CDKL2: variants seen among roughly 807,000 people sequenced by gnomAD.
CDKL2 encodes the protein cyclin dependent kinase like 2.
CDKL2 carries 64 observed loss-of-function variants against 63.9 expected under a neutral mutation model. The ratio of observed to expected loss-of-function variants is 1.00; its 90% CI spans 0.82 to 1.23. CDKL2 has a LOEUF of 1.23. Ranked by LOEUF, CDKL2 falls within the 50% of genes most tolerant of loss-of-function variation. CDKL2 has a pLI of 0.00. For synonymous variants in CDKL2, 211 were observed against 229.2 expected (o/e 0.92, Z 0.72); for missense variants, 656 against 668.0 (o/e 0.98, Z 0.20).
At position 75,625,931 on chromosome 4, in the gene CDKL2, T is replaced by G; in HGVS notation, c.58A>C (p.Lys20Gln). Residue 20 changes from lysine to glutamine, a missense_variant, in exon 2 of 14, where the codon AAG (lysine) becomes CAG (glutamine). Coordinates refer to ENST00000307465, the MANE Select transcript of CDKL2 (RefSeq NM_001330724.2). ...CTTCCAGTATCTTTATTCCTACACTTCATCACCATTCCATAACTCCCTTCT... is the reference window on the plus strand; with the variant it reads ...CTTCCAGTATCTTTATTCCTACACTGCATCACCATTCCATAACTCCCTTCT... ...VGEGSYGMVMKCRNKDTGRIV... is the reference protein window; with the variant it reads ...VGEGSYGMVMQCRNKDTGRIV... 1 of 1,612,768 alleles carries G rather than the reference T, an allele frequency of 6.2e-7. No individual in the cohort carries two copies. The highest frequency in any genetic ancestry group is 8.5e-7 in the Non-Finnish European group (1 of 1,179,352).
chr4:75,578,005 A>AAC lies in CDKL2; in HGVS notation c.*1196_*1197insGT, dbSNP rs1213020907. ...ATTAATTAGTTAAGGCAAAAAAAAA[A>AAC]AAAAAACTCACAAATTCTGGTTCCC... On this transcript the variant is annotated 3_prime_UTR_variant, in exon 14 of 14. Coordinates refer to ENST00000307465, the MANE Select transcript of CDKL2 (RefSeq NM_001330724.2). 3 of 152,344 alleles carry AAC rather than the reference A, an allele frequency of 2.0e-5. No homozygotes were observed. Among genetic ancestry groups the AAC allele is most frequent in the Non-Finnish European group, 4.4e-5 (3 of 67,966 alleles). The allele number at this position is 152,344 out of a possible 1,614,324, so 9.4% of individuals were successfully genotyped here.
At chr4:75,580,281 G>T (rs1728203983) in intron 13 of CDKL2, among the ~76,000 whole-genome samples, 1 of 151,756 alleles carries the variant, frequency 6.6e-6, no homozygotes, top group African/African-American at 2.4e-5. Context: ...AAATACAGTT[G>T]TGAGAATGTG....
intron 1 of CDKL2, among the ~76,000 whole-genome samples, chr4:75,627,774 C>T (rs1347586750): frequency 5.1e-5 from 6 of 118,768 alleles, no homozygotes; most frequent in Admixed American, 4.8e-4. Context: ...CGTGCACTGG[C>T]GCGATCTCGG....
chr4:75,606,047 T>C (rs1459548983), intron 4 of CDKL2, among the ~76,000 whole-genome samples: 1 of 152,160 alleles, frequency 6.6e-6, no homozygotes, highest in African/African-American at 2.4e-5. Flanking sequence ...GAAATAAAAC[T>C]CTCAGGCTCC....
intron 8 of CDKL2, 76 bp downstream of exon 8, chr4:75,598,001 T>C: frequency 9.3e-7 from 1 of 1,074,262 alleles, no homozygotes; most frequent in South Asian, 1.8e-5. Flanking sequence ...AAAACTTTTT[T>C]CAAAATCATA....
chr4:75,609,903 G>A (rs1285851275), intron 3 of CDKL2, among the ~76,000 whole-genome samples: 2 of 151,490 alleles, frequency 1.3e-5, no homozygotes, highest in Non-Finnish European at 2.9e-5. Flanking sequence ...CTGTGCTGTA[G>A]TAGAAAGAGC....
intron 2 of CDKL2, among the ~76,000 whole-genome samples, chr4:75,618,423 T>G (rs1187642932): frequency 2.0e-5 from 3 of 151,328 alleles, no homozygotes; most frequent in Non-Finnish European, 2.9e-5. Flanking sequence ...CCCAGCTAAT[T>G]TTGTATTTTT....
At chr4:75,597,348 T>C in intron 8 of CDKL2, 112 bp from the exon 9 acceptor site, 3 of 671,528 alleles carry the variant, frequency 4.5e-6, no homozygotes, top group Non-Finnish European at 7.5e-6. Context: ...TATCACCTTT[T>C]TGAAACTGTT....
chr4:75,588,660 A>G (rs1388556889), intron 12 of CDKL2, among the ~76,000 whole-genome samples: 1 of 152,214 alleles, frequency 6.6e-6, no homozygotes, highest in Admixed American at 6.5e-5. Context: ...ATGTGTATGT[A>G]TATACATATG....
At chr4:75,593,759 A>G (rs976863668) in intron 10 of CDKL2, among the ~76,000 whole-genome samples, 3 of 152,206 alleles carry the variant, frequency 2.0e-5, no homozygotes, top group African/African-American at 7.2e-5. Context: ...TAAACTAAGA[A>G]TAATTAAAAG....
intron 12 of CDKL2, among the ~76,000 whole-genome samples, chr4:75,584,334 C>A (rs1728379265): frequency 6.6e-6 from 1 of 152,172 alleles, no homozygotes; most frequent in Non-Finnish European, 1.5e-5. Context: ...AAGGTGAGAA[C>A]AACCCCCAGC....
At chr4:75,618,999 A>G (rs1730047924) in intron 2 of CDKL2, among the ~76,000 whole-genome samples, 1 of 152,228 alleles carries the variant, frequency 6.6e-6, no homozygotes, top group Non-Finnish European at 1.5e-5. Context: ...CTCTGGACAA[A>G]GAAAACCCTA....
intron 13 of CDKL2, among the ~76,000 whole-genome samples, chr4:75,580,756 A>G (rs1728227105): frequency 7.2e-6 from 1 of 138,452 alleles, no homozygotes; most frequent in African/African-American, 2.7e-5. Flanking sequence ...GCTGGAGTGC[A>G]GTGGCGCGAT....
intron 2 of CDKL2, among the ~76,000 whole-genome samples, chr4:75,625,206 A>T (rs903998303): frequency 2.0e-5 from 3 of 152,202 alleles, no homozygotes; most frequent in Non-Finnish European, 2.9e-5. Flanking sequence ...ACAAAAAGCA[A>T]ATATCAAGAA....
At chr4:75,629,584 G>T (rs1301111742) in intron 1 of CDKL2, among the ~76,000 whole-genome samples, 2 of 152,192 alleles carry the variant, frequency 1.3e-5, no homozygotes, top group Non-Finnish European at 2.9e-5. Flanking sequence ...TTTCTGGATG[G>T]TTCTAAAAGC....
intron 10 of CDKL2, among the ~76,000 whole-genome samples, chr4:75,595,250 G>C (rs11736009): frequency 0.27 from 40,002 of 146,726 alleles, 7,138 homozygotes; most frequent in East Asian, 0.77. Context: ...CACCCAGGCT[G>C]AGGTGCTGGG....
At chr4:75,605,690 A>C in intron 4 of CDKL2, 56 bp from the exon 5 acceptor site, 1 of 1,153,572 alleles carries the variant, frequency 8.7e-7, no homozygotes, top group Non-Finnish European at 1.3e-6. Flanking sequence ...TCCAAAACCC[A>C]AAGCTTTTTG....
intron 10 of CDKL2, among the ~76,000 whole-genome samples, chr4:75,595,713 C>T (rs965686501): frequency 4.6e-5 from 7 of 151,988 alleles, no homozygotes; most frequent in Non-Finnish European, 7.4e-5. Context: ...AGGTGGATCA[C>T]GAGGTCAGGA....
intron 1 of CDKL2, among the ~76,000 whole-genome samples, chr4:75,626,247 G>A (rs1230278418): frequency 2.0e-5 from 3 of 152,096 alleles, no homozygotes; most frequent in Admixed American, 6.6e-5. Flanking sequence ...AATAGACAAC[G>A]CAAATGGAAT....
Sources: gnomAD v4.1 joint callset for allele counts (sites outside exome capture counted in the v4.1 genomes callset) on GRCh38, gnomAD v4.1.1 for gene constraint, MANE v1.5 for transcripts, NCBI Gene and HGNC (gene_info 2026-07-23, HGNC 2026-07-21) for gene names.